HDAC9: variants seen among roughly 807,000 people sequenced by gnomAD.
HDAC9 encodes MEF-2 interacting transcription repressor (MITR) protein.
A neutral mutation model predicts 139.4 loss-of-function variants in HDAC9; 41 were observed. The observed-to-expected ratio is 0.29, with a 90% CI of 0.23 to 0.38. The LOEUF (loss-of-function observed/expected upper bound fraction) is 0.38. Among genes scored for constraint, HDAC9 ranks in the 10% least tolerant of loss-of-function variants. The pLI, the probability that HDAC9 is intolerant of heterozygous loss-of-function variation, is 1.00. For synonymous variants in HDAC9, 517 were observed against 476.2 expected (o/e 1.09, Z -1.12); for missense variants, 1,147 against 1,297.0 (o/e 0.88, Z 1.78).
chr7:18,389,915 A>T (rs140559810), intron 1 of HDAC9, among the ~76,000 whole-genome samples: 1 of 152,206 alleles, frequency 6.6e-6, no homozygotes, highest in African/African-American at 2.4e-5. Flanking sequence ...CTTCCTGAGG[A>T]TACAGTTTTA....
chr7:18,413,645 C>T (rs1481789595), intron 1 of HDAC9, among the ~76,000 whole-genome samples: 3 of 151,972 alleles, frequency 2.0e-5, no homozygotes, highest in Non-Finnish European at 4.4e-5. Flanking sequence ...ATACAATTTG[C>T]TTGGTAGACA....
At chr7:18,456,688 C>T (rs1793383580) in intron 1 of HDAC9, among the ~76,000 whole-genome samples, 2 of 152,158 alleles carry the variant, frequency 1.3e-5, no homozygotes, top group Non-Finnish European at 2.9e-5. Context: ...TTATGATTTT[C>T]TCTACACCAC....
chr7:18,583,608 G>A (rs1441797914), intron 2 of HDAC9, among the ~76,000 whole-genome samples: 1 of 151,698 alleles, frequency 6.6e-6, no homozygotes, highest in Admixed American at 6.6e-5. Flanking sequence ...GAAAAATTTA[G>A]CTGGTCATGG....
intron 1 of HDAC9, among the ~76,000 whole-genome samples, chr7:18,305,010 T>C (rs1200530718): frequency 6.6e-6 from 1 of 152,006 alleles, no homozygotes; most frequent in Non-Finnish European, 1.5e-5. Flanking sequence ...CTGGAAATTC[T>C]AAATTGTGTT....
At chr7:18,887,043 T>G (rs1368572429) in intron 22 of HDAC9, among the ~76,000 whole-genome samples, 4 of 152,242 alleles carry the variant, frequency 2.6e-5, no homozygotes, top group Non-Finnish European at 5.9e-5. Flanking sequence ...GAATAGTATG[T>G]GACCAAGAAT....
intron 2 of HDAC9, among the ~76,000 whole-genome samples, chr7:18,564,230 C>G (rs1459416899): frequency 1.3e-5 from 2 of 151,638 alleles, no homozygotes; most frequent in African/African-American, 4.9e-5. Flanking sequence ...ACAGTTGCAA[C>G]CATACAATTG....
At chr7:18,888,959 A>C (rs1364965184) in intron 22 of HDAC9, among the ~76,000 whole-genome samples, 1 of 152,128 alleles carries the variant, frequency 6.6e-6, no homozygotes, top group Admixed American at 6.5e-5. Context: ...TTTGTCTATA[A>C]GCTACAGAAA....
chr7:18,617,523 C>T (rs1405647907), intron 6 of HDAC9, among the ~76,000 whole-genome samples: 2 of 152,168 alleles, frequency 1.3e-5, no homozygotes, highest in Non-Finnish European at 2.9e-5. Context: ...TTTAAATGCT[C>T]AGATGATATA....
intron 17 of HDAC9, among the ~76,000 whole-genome samples, chr7:18,798,679 G>A (rs151233162): frequency 7.9e-5 from 12 of 152,258 alleles, no homozygotes; most frequent in African/African-American, 2.4e-4. Flanking sequence ...TTTTCACACA[G>A]TGTGAAAGCC....
intron 12 of HDAC9, among the ~76,000 whole-genome samples, chr7:18,717,097 T>C (rs1278370822): frequency 1.3e-5 from 2 of 149,820 alleles, no homozygotes; most frequent in African/African-American, 4.9e-5. Flanking sequence ...GAGAGTGACC[T>C]ACCCTCACTG....
chr7:18,404,466 G>A (rs1787829471), intron 1 of HDAC9, among the ~76,000 whole-genome samples: 1 of 152,234 alleles, frequency 6.6e-6, no homozygotes, highest in South Asian at 2.1e-4. Context: ...TAGACTGTAA[G>A]TTCTACAGGG....
intron 21 of HDAC9, among the ~76,000 whole-genome samples, chr7:18,862,189 G>C (rs1315744141): frequency 6.6e-6 from 1 of 152,192 alleles, no homozygotes; most frequent in Non-Finnish European, 1.5e-5. Context: ...GGGCAAATCA[G>C]TGGATATGTA....
intron 1 of HDAC9, among the ~76,000 whole-genome samples, chr7:18,335,822 C>G (rs1781544928): frequency 6.6e-6 from 1 of 151,506 alleles, no homozygotes; most frequent in African/African-American, 2.4e-5. Flanking sequence ...AAGAAAGGAT[C>G]ATGGCTGATG....
At chr7:18,660,965 A>T (rs1344240476) in intron 11 of HDAC9, among the ~76,000 whole-genome samples, 1 of 152,120 alleles carries the variant, frequency 6.6e-6, no homozygotes, top group Non-Finnish European at 1.5e-5. Flanking sequence ...TAAGCAGAGA[A>T]TTAATGTTAC....
intron 25 of HDAC9, 136 bp downstream of exon 25, chr7:18,976,089 G>C (rs1414772108): frequency 2.5e-6 from 2 of 785,490 alleles, no homozygotes; most frequent in Admixed American, 5.6e-5. Context: ...AGCCACAGAT[G>C]CCACAGCACA....
chr7:18,966,793 A>T (rs1783885841), intron 24 of HDAC9, among the ~76,000 whole-genome samples: 1 of 152,170 alleles, frequency 6.6e-6, no homozygotes, highest in South Asian at 2.1e-4. Flanking sequence ...AGGAAATAGA[A>T]AGGACCAGCC....
chr7:18,571,281 G>A (rs1254802276), intron 2 of HDAC9, among the ~76,000 whole-genome samples: 1 of 151,890 alleles, frequency 6.6e-6, no homozygotes, highest in African/African-American at 2.4e-5. Flanking sequence ...CATTTTCTTT[G>A]AAAAAACAGT....
intron 1 of HDAC9, among the ~76,000 whole-genome samples, chr7:18,457,585 T>C (rs550194115): frequency 3.9e-5 from 6 of 152,334 alleles, no homozygotes; most frequent in African/African-American, 1.4e-4. Context: ...ACCCATTATA[T>C]TTACAAATTG....
intron 1 of HDAC9, among the ~76,000 whole-genome samples, chr7:18,319,840 C>T (rs1320745633): frequency 6.6e-6 from 1 of 152,218 alleles, no homozygotes; most frequent in African/African-American, 2.4e-5. Flanking sequence ...CAGGCAATCA[C>T]AACATTCATC....
Sources: allele counts gnomAD v4.1 joint callset (sites outside exome capture counted in the v4.1 genomes callset), GRCh38; gene constraint gnomAD v4.1.1; transcripts MANE v1.5; gene names NCBI Gene and HGNC (gene_info 2026-07-23, HGNC 2026-07-21).